The following LRRC43 variants were observed in gnomAD, a reference collection of about 807,000 sequenced individuals.
The protein encoded by LRRC43 is leucine rich repeat containing 43.
A neutral mutation model predicts 64.3 loss-of-function variants in LRRC43; 62 were observed. The observed-to-expected ratio is 0.96, with a 90% CI of 0.79 to 1.19. The LOEUF (loss-of-function observed/expected upper bound fraction) is 1.19, where lower values mean the gene tolerates loss of function less well. LRRC43 is among the 50% of genes most tolerant of loss of function. The pLI is 0.00. For synonymous variants in LRRC43, 422 were observed against 382.3 expected (o/e 1.10, Z -1.21); for missense variants, 868 against 845.0 (o/e 1.03, Z -0.34).
chr12:122,174,248 A>T (rs1953517793), intron 1 of LRRC43: 3 of 1,555,368 alleles, frequency 1.9e-6, no homozygotes, highest in Non-Finnish European at 2.7e-6. Context: ...CTGGAGGTAT[A>T]TAAAGGGCCA....
At position 122,184,744 on chromosome 12, in the gene LRRC43, T is replaced by G. The variant is rs1271792037; in HGVS notation, c.376T>G (p.Ser126Ala). ...PLTITDTFFYSYFRSLRVIDK... is the reference protein window; with the variant it reads ...PLTITDTFFYAYFRSLRVIDK... ...GACGATCACAGACACCTTCTTCTACTCCTACTTCCGGTCCCTGCGGGTAAT... is the reference window on the plus strand; with the variant it reads ...GACGATCACAGACACCTTCTTCTACGCCTACTTCCGGTCCCTGCGGGTAAT... The change falls in exon 2 of 12, where the codon TCC becomes GCC. Residue 126 changes from serine (S) to alanine (A), a missense_variant. By Grantham distance (99) the Ser-to-Ala change is moderately conservative. Transcript: ENST00000339777. The surrounding 1 kb of genome is among the most constrained non-coding windows in gnomAD (Gnocchi z 4.0). The G allele has an allele frequency of 6.2e-7, 1 of 1,611,338 alleles. No individual in the cohort carries two copies. The highest frequency in any genetic ancestry group is 1.3e-5 in the African/African-American group (1 of 74,882).
At position 122,174,141 on chromosome 12, in the gene LRRC43, C is replaced by G. The variant is rs981439998; in HGVS notation, c.-406+6359C>G. The G allele has an allele frequency of 6.2e-6, 10 of 1,613,972 alleles. No homozygotes were observed. In the African/African-American group the frequency reaches 1.3e-4, roughly 22 times the overall value. ...GATGATGCCCAAGACTCCGGAAGCA[C>G]CAGGACCAGTGATACCTGAGTGAGA... On this transcript the variant is annotated intron_variant, in intron 1 of 5. Coordinates refer to the LRRC43 transcript ENST00000537729.
In LRRC43 at chr12:122,200,779, C is replaced by T. The variant is rs761439330; in HGVS notation, c.1654C>T (p.Pro552Ser). 1 of 1,612,874 alleles carries T rather than the reference C, an allele frequency of 6.2e-7. No individual in the cohort carries two copies. Among genetic ancestry groups the T allele is most frequent in the South Asian group, 1.1e-5 (1 of 91,072 alleles). Residue 552 changes from proline (P) to serine (S), a missense_variant, in exon 10 of 12, where the codon CCC becomes TCC. Pro to Ser is a moderately conservative substitution (Grantham distance 74, BLOSUM62 -1). Transcript: ENST00000339777. The surrounding 1 kb of genome is among the most constrained non-coding windows in gnomAD (Gnocchi z 4.6). ...WKVLKKKKEP[P>S]KELRQDPPIL... ...GGTGCTGAAGAAGAAGAAAGAGCCG[C>T]CCAAGGAGCTCCGGCAGGACCCCCC... is the stretch of plus-strand genomic sequence containing the variant.
rs35033444 is a variant in LRRC43 at position 122,184,095 on chromosome 12, A to ATT, written c.151-408_151-407dup. Among the ~76,000 whole-genome samples the ATT allele has an allele frequency of 7.3e-6, 1 of 137,762 alleles. No homozygotes were observed. The highest frequency in any genetic ancestry group is 1.6e-5 in the Non-Finnish European group (1 of 63,956). 90.4% of individuals were successfully genotyped at this position (137,762 alleles called of 152,430 possible). A position where few individuals can be genotyped will look rare whatever the true frequency, so the allele number is the denominator to read the frequency against. ...AAATTATTGATTATTCACTGTCTAG[A>ATT]TTTTTTTTTTTTTTTTTGAGACGGA... On this transcript the variant is annotated intron_variant, in intron 1 of 11. Transcript: ENST00000339777. This position sits in a 1 kb window ranked among gnomAD's most constrained non-coding sequence, Gnocchi z 4.0.
At chr12:122,175,754 C>T (rs1353817315) in intron 1 of LRRC43, among the ~76,000 whole-genome samples, 1 of 151,958 alleles carries the variant, frequency 6.6e-6, no homozygotes, top group Non-Finnish European at 1.5e-5. Context: ...GCAACCTCCG[C>T]CTCCTGGGTT....
chr12:122,182,874 G>A (rs1264659027), upstream of LRRC43: 1 of 495,888 alleles, frequency 2.0e-6, no homozygotes, highest in Non-Finnish European at 3.5e-6. Context: ...CTGTCAGATG[G>A]GTATAGGATG....
chr12:122,179,469 G>C (rs2136023331), upstream of LRRC43, among the ~76,000 whole-genome samples: 1 of 152,246 alleles, frequency 6.6e-6, no homozygotes, highest in South Asian at 2.1e-4. Flanking sequence ...CACACAGTAG[G>C]CTGTTGGACG....
upstream of LRRC43, among the ~76,000 whole-genome samples, chr12:122,178,325 G>A (rs925324107): frequency 2.0e-5 from 3 of 152,050 alleles, no homozygotes; most frequent in Admixed American, 2.0e-4. Flanking sequence ...AACCTCTCCT[G>A]TAACAACGTC....
At chr12:122,186,151 C>T (rs1953641274) in intron 2 of LRRC43, 39 bp from the exon 3 acceptor site, 2 of 1,196,740 alleles carry the variant, frequency 1.7e-6, no homozygotes, top group East Asian at 5.0e-5. Context: ...CGTGCTCCCT[C>T]TCCTGCTACA....
chr12:122,185,020 CCT>C (rs1340362069), intron 2 of LRRC43, among the ~76,000 whole-genome samples: 1 of 152,188 alleles, frequency 6.6e-6, no homozygotes, highest in East Asian at 1.9e-4. Flanking sequence ...AGCTTCCACC[CCT>C]GAGTTCTGCA....
At position 122,184,794 on chromosome 12, in the gene LRRC43, C is replaced by T. The variant is rs567947496; in HGVS notation, c.411+15C>T. ...TAGACAAGAAGGTCAGTGCTGGGCACGTGGTAGGTGATGTTAGGGTGGCCG... is the reference window on the plus strand; with the variant it reads ...TAGACAAGAAGGTCAGTGCTGGGCATGTGGTAGGTGATGTTAGGGTGGCCG... On this transcript the variant is annotated intron_variant, in intron 2 of 11. Coordinates refer to ENST00000339777, the MANE Select transcript of LRRC43 (RefSeq NM_001098519.2). The surrounding 1 kb of genome is among the most constrained non-coding windows in gnomAD (Gnocchi z 4.0). 48 of 1,584,290 alleles carry T rather than the reference C, an allele frequency of 3.0e-5. No homozygotes were observed. In the East Asian group the frequency reaches 8.0e-4, roughly 27 times the overall value.
chr12:122,195,258 T>G (rs1001703714), intron 7 of LRRC43, among the ~76,000 whole-genome samples: 2 of 152,108 alleles, frequency 1.3e-5, no homozygotes, highest in African/African-American at 4.8e-5. Flanking sequence ...AGAACATTTT[T>G]TTTTTTTTGA....
intron 11 of LRRC43, among the ~76,000 whole-genome samples, 158 bp downstream of exon 11, chr12:122,201,487 C>T (rs1245085679): frequency 6.6e-6 from 1 of 152,174 alleles, no homozygotes; most frequent in Non-Finnish European, 1.5e-5. Flanking sequence ...ATTATTTCTT[C>T]TCTGCAGCCC....
At position 122,184,516 on chromosome 12, in the gene LRRC43, C is replaced by T; in HGVS notation, c.151-3C>T. 5.6e-6 allele frequency: 9 copies of T among 1,612,678 alleles called. No homozygotes were observed. Among genetic ancestry groups the T allele is most frequent in the Non-Finnish European group, 7.6e-6 (9 of 1,179,294 alleles). ...ACAGAAAATCCCTCCTCTGCCACTG[C>T]AGAATAAGTCGCGCTTTCTTCCTCA... On this transcript the variant is annotated splice_region_variant and splice_polypyrimidine_tract_variant and intron_variant, in intron 1 of 11. Transcript: ENST00000339777. This position sits in a 1 kb window ranked among gnomAD's most constrained non-coding sequence, Gnocchi z 4.0.
rs751623203 is a variant in LRRC43 at position 122,200,903 on chromosome 12, C to T, written c.1778C>T (p.Thr593Ile). The T allele has an allele frequency of 1.2e-6, 2 of 1,609,712 alleles. No individual in the cohort carries two copies. The highest frequency in any genetic ancestry group is 2.2e-5 in the East Asian group (1 of 44,860). Residue 593 changes from threonine to isoleucine, a missense_variant, in exon 10 of 12, where the codon ACA becomes ATA. Physicochemically the swap from Thr to Ile is moderately conservative, Grantham distance 89 (BLOSUM62 -1). Coordinates refer to ENST00000339777, the MANE Select transcript of LRRC43 (RefSeq NM_001098519.2). The surrounding 1 kb of genome is among the most constrained non-coding windows in gnomAD (Gnocchi z 4.6). ...STVCNFGVVR[T>I]LTSDRLTLAR... The stretch of plus-strand genomic sequence containing the variant: ...GTGTGCAACTTCGGCGTGGTCCGCA[C>T]ATTGACATCTGACAGGCTGACGTTG...
Position 122,187,822 on chromosome 12 carries a change from A to ACGTCAC in LRRC43, c.647_652dup (p.Val216_Thr217dup), listed in dbSNP as rs1555239350. 6.2e-7 allele frequency: 1 copy of ACGTCAC among 1,614,104 alleles called. No homozygotes were observed. On this transcript the variant is annotated inframe_insertion, in exon 4 of 12. Transcript: ENST00000339777. The stretch of plus-strand genomic sequence containing the variant: ...CTTCTAGGCCCCTTGGAAAGTCTCT[A>ACGTCAC]CGTCACCGCTAATCACTGGTAACTC...
At chr12:122,199,847 G>T (rs1953814635) in intron 7 of LRRC43, among the ~76,000 whole-genome samples, 2 of 152,162 alleles carry the variant, frequency 1.3e-5, no homozygotes, top group South Asian at 4.1e-4. Context: ...GCTTCCCAAA[G>T]TGCTGGGATT....
Position 122,184,862 on chromosome 12 carries a change from C to T in LRRC43, c.411+83C>T, listed in dbSNP as rs1366639194. The stretch of plus-strand genomic sequence containing the variant: ...GTGGGGAGGGCACCCTTCCCCACAG[C>T]GCGTCAGGGATCCTGCTTTCAGGGC... On this transcript the variant is annotated intron_variant, in intron 2 of 11. Coordinates refer to ENST00000339777, the MANE Select transcript of LRRC43 (RefSeq NM_001098519.2). The surrounding 1 kb of genome is among the most constrained non-coding windows in gnomAD (Gnocchi z 4.0). 12 of 1,439,070 alleles carry T rather than the reference C, an allele frequency of 8.3e-6. No homozygotes were observed. The highest frequency in any genetic ancestry group is 5.0e-5 in the East Asian group (2 of 40,150). 89.1% of individuals were successfully genotyped at this position (1,439,070 alleles called of 1,614,324 possible).
rs778828967 is a variant in LRRC43 at position 122,200,738 on chromosome 12, C to T, written c.1621-8C>T. 12 of 1,612,928 alleles carry T rather than the reference C, an allele frequency of 7.4e-6. No homozygotes were observed. The highest frequency in any genetic ancestry group is 2.2e-5 in the East Asian group (1 of 44,874). ...TTGTCCCACCCTCCTGTCCTCCCGTCGTCGCAGGAGTGGAAGGTGCTGAAG... is the reference window on the plus strand; with the variant it reads ...TTGTCCCACCCTCCTGTCCTCCCGTTGTCGCAGGAGTGGAAGGTGCTGAAG... On this transcript the variant is annotated splice_polypyrimidine_tract_variant and splice_region_variant and intron_variant, in intron 9 of 11. Coordinates refer to ENST00000339777, the MANE Select transcript of LRRC43 (RefSeq NM_001098519.2). The surrounding 1 kb of genome is among the most constrained non-coding windows in gnomAD (Gnocchi z 4.6).
Sources: gnomAD v4.1 joint callset for allele counts (sites outside exome capture counted in the v4.1 genomes callset) on GRCh38, gnomAD v4.1.1 for gene constraint, Gnocchi (gnomAD v3.1) non-coding constraint, MANE v1.5 for transcripts, NCBI Gene and HGNC (gene_info 2026-07-23, HGNC 2026-07-21) for gene names.